Variants in PSKH1 observed in about 807,000 individuals in gnomAD.
PSKH1 encodes protein serine kinase H1, also known as serine/threonine-protein kinase H1.
A neutral mutation model predicts 26.7 loss-of-function variants in PSKH1; 12 were observed. That is an observed-to-expected ratio of 0.45 (90% CI 0.29 to 0.73). PSKH1 has a LOEUF of 0.73. PSKH1 is among the 30% of genes least tolerant of loss of function. The probability of loss-of-function intolerance (pLI) is 0.11; values close to 1 mark genes in which losing one functional copy is unlikely to be tolerated. For synonymous variants in PSKH1, 213 were observed against 234.3 expected (o/e 0.91, Z 0.83); for missense variants, 431 against 595.2 (o/e 0.72, Z 2.87).
chr16:67,905,383 G>A (rs1320485202), intron 1 of PSKH1, among the ~76,000 whole-genome samples: 1 of 152,076 alleles, frequency 6.6e-6, no homozygotes, highest in East Asian at 1.9e-4. Context: ...GGGTTTCTGA[G>A]CCTTTGCAGT....
chr16:67,903,174 A>G (rs1476755587), intron 1 of PSKH1: 2 of 152,080 alleles, frequency 1.3e-5, no homozygotes, highest in Non-Finnish European at 2.9e-5. Context: ...TGTTTTTCAG[A>G]CAGGATTTCT....
At chr16:67,913,811 A>T (rs1169218193) in intron 2 of PSKH1, among the ~76,000 whole-genome samples, 1 of 152,086 alleles carries the variant, frequency 6.6e-6, no homozygotes, top group Non-Finnish European at 1.5e-5. Context: ...TTTCTAATAA[A>T]CACCAGGTGG....
intron 1 of PSKH1, among the ~76,000 whole-genome samples, chr16:67,904,595 C>T (rs2058150929): frequency 6.6e-6 from 1 of 152,210 alleles, no homozygotes; most frequent in Middle Eastern, 3.4e-3. Context: ...CTGCCTCAGC[C>T]TCCCAAAGTG....
At chr16:67,919,181 G>A (rs1291485647) in intron 2 of PSKH1, among the ~76,000 whole-genome samples, 1 of 152,170 alleles carries the variant, frequency 6.6e-6, no homozygotes, top group Non-Finnish European at 1.5e-5. Context: ...GTGGAGGCAG[G>A]GAAGCGGGGA....
At chr16:67,895,140 C>T (rs1226321424) in intron 1 of PSKH1, among the ~76,000 whole-genome samples, 1 of 151,930 alleles carries the variant, frequency 6.6e-6, no homozygotes, top group East Asian at 1.9e-4. Flanking sequence ...CCAGGCTGGT[C>T]TCGAACTCCT....
chr16:67,894,315 G>A (rs1220600866), intron 1 of PSKH1, among the ~76,000 whole-genome samples: 1 of 152,124 alleles, frequency 6.6e-6, no homozygotes, highest in Non-Finnish European at 1.5e-5. Context: ...TCCACGCCTG[G>A]CTAAGTTTAA....
chr16:67,923,443 C>G (rs1280775990), intron 2 of PSKH1, among the ~76,000 whole-genome samples: 2 of 152,130 alleles, frequency 1.3e-5, no homozygotes, highest in Non-Finnish European at 2.9e-5. Context: ...AGCAGTGTCT[C>G]GAAGTGCTGG....
intron 1 of PSKH1, 107 bp downstream of exon 1, chr16:67,893,478 A>G (rs2058117431): frequency 6.6e-6 from 1 of 152,302 alleles, no homozygotes; most frequent in Non-Finnish European, 1.5e-5. Context: ...GTCAGCCTGC[A>G]GCGTCGGCCC....
At position 67,909,557 on chromosome 16, in the gene PSKH1, G is replaced by C; in HGVS notation, c.808G>C (p.Val270Leu). Residue 270 changes from valine (V) to leucine (L), a missense_variant, in exon 2 of 3, where the codon GTC (valine) becomes CTC (leucine). Coordinates refer to ENST00000291041, the MANE Select transcript of PSKH1 (RefSeq NM_006742.3). The surrounding 1 kb of genome is among the most constrained non-coding windows in gnomAD (Gnocchi z 7.8). ...TGAGTACATTGCCCCAGAAGTCCTG[G>C]TCCGCAAGCCATACACCAACTCAGT... ...TPEYIAPEVL[V>L]RKPYTNSVDM... 1.2e-6 allele frequency: 2 copies of C among 1,613,846 alleles called. No homozygotes were observed. The highest frequency in any genetic ancestry group is 1.7e-6 in the Non-Finnish European group (2 of 1,180,042).
chr16:67,897,701 G>C (rs949145249), intron 1 of PSKH1, among the ~76,000 whole-genome samples: 4 of 152,158 alleles, frequency 2.6e-5, no homozygotes, highest in Admixed American at 2.6e-4. Flanking sequence ...CTGTATTTCT[G>C]ATGATGGCGA....
intron 1 of PSKH1, among the ~76,000 whole-genome samples, chr16:67,898,000 A>G (rs1307494327): frequency 6.6e-6 from 1 of 152,110 alleles, no homozygotes; most frequent in Non-Finnish European, 1.5e-5. Flanking sequence ...GGTGCACGCT[A>G]CCACGCCCGG....
chr16:67,907,096 T>C (rs1446135339), intron 1 of PSKH1, among the ~76,000 whole-genome samples: 1 of 151,776 alleles, frequency 6.6e-6, no homozygotes, highest in East Asian at 1.9e-4. Flanking sequence ...CCCGAGTAGC[T>C]GGGACTACAG....
chr16:67,909,048 T>C lies in PSKH1; in HGVS notation c.299T>C (p.Ile100Thr). 1 of 1,614,102 alleles carries C rather than the reference T, an allele frequency of 6.2e-7. No individual in the cohort carries two copies. The highest frequency in any genetic ancestry group is 1.1e-5 in the South Asian group (1 of 91,078). The change falls in exon 2 of 3, where the codon ATC becomes ACC. Residue 100 changes from isoleucine (I) to threonine (T), a missense_variant. Ile to Thr is a moderately conservative substitution (Grantham distance 89). Transcript: ENST00000291041. The surrounding 1 kb of genome is among the most constrained non-coding windows in gnomAD (Gnocchi z 7.8). ...CCACGTGTTACAGCTAAGTATGACA[T>C]CAAGGCCCTAATTGGCCGAGGCAGC... ...FDPRVTAKYDIKALIGRGSFS... is the reference protein window; with the variant it reads ...FDPRVTAKYDTKALIGRGSFS...
At chr16:67,913,747 C>T (rs963080921) in intron 2 of PSKH1, among the ~76,000 whole-genome samples, 34 of 152,166 alleles carry the variant, frequency 2.2e-4, no homozygotes, top group Admixed American at 1.3e-4. Context: ...CCTGGAATCT[C>T]GTTAAAATGT....
intron 1 of PSKH1, among the ~76,000 whole-genome samples, chr16:67,907,319 G>A (rs2058159160): frequency 6.6e-6 from 1 of 150,734 alleles, no homozygotes; most frequent in South Asian, 2.1e-4. Flanking sequence ...GGAGTGGGGT[G>A]GCGCAGTGTC....
Position 67,927,712 on chromosome 16 carries a change from T to C in PSKH1, c.*70T>C. The C allele has an allele frequency of 6.7e-7, 1 of 1,489,440 alleles. No homozygotes were observed. Among genetic ancestry groups the C allele is most frequent in the Non-Finnish European group, 9.0e-7 (1 of 1,113,846 alleles). 92.3% of individuals were successfully genotyped at this position (1,489,440 alleles called of 1,614,324 possible). ...ACACTGTGGTGCCATCTGGGTCCGA[T>C]GCCCTCTCTGGAGATAGGCCTATGT... On this transcript the variant is annotated 3_prime_UTR_variant, in exon 3 of 3. Coordinates refer to ENST00000291041, the MANE Select transcript of PSKH1 (RefSeq NM_006742.3). This position sits in a 1 kb window ranked among gnomAD's most constrained non-coding sequence, Gnocchi z 5.5.
Position 67,927,844 on chromosome 16 carries a change from A to G in PSKH1, c.*202A>G, listed in dbSNP as rs2151315931. 1 of 646,988 alleles carries G rather than the reference A, an allele frequency of 1.5e-6. No individual in the cohort carries two copies. The highest frequency in any genetic ancestry group is 2.6e-6 in the Non-Finnish European group (1 of 387,018). 40.1% of individuals were successfully genotyped at this position (646,988 alleles called of 1,614,324 possible). On this transcript the variant is annotated 3_prime_UTR_variant, in exon 3 of 3. Coordinates refer to ENST00000291041, the MANE Select transcript of PSKH1 (RefSeq NM_006742.3). The surrounding 1 kb of genome is among the most constrained non-coding windows in gnomAD (Gnocchi z 5.5). The stretch of plus-strand genomic sequence containing the variant: ...CCAGGTGTGACAGAGTAGAGGTAGC[A>G]CAGGGGGCTGTGACTCCCCCTGAAC...
At chr16:67,900,485 T>G (rs2058138569) in intron 1 of PSKH1, among the ~76,000 whole-genome samples, 1 of 152,144 alleles carries the variant, frequency 6.6e-6, no homozygotes, top group Non-Finnish European at 1.5e-5. Context: ...GTTCACCAAC[T>G]CAGTGGCATG....
At chr16:67,895,789 T>C (rs1480638818) in intron 1 of PSKH1, among the ~76,000 whole-genome samples, 2 of 152,234 alleles carry the variant, frequency 1.3e-5, no homozygotes, top group Non-Finnish European at 2.9e-5. Context: ...CTAAGAAAAC[T>C]GTTGTCTCCT....
Sources: gnomAD v4.1 joint callset for allele counts (sites outside exome capture counted in the v4.1 genomes callset) on GRCh38, gnomAD v4.1.1 for gene constraint, Gnocchi (gnomAD v3.1) non-coding constraint, MANE v1.5 for transcripts, NCBI Gene and HGNC (gene_info 2026-07-23, HGNC 2026-07-21) for gene names.